Variants in MKLN1 observed in about 807,000 individuals in gnomAD.
MKLN1 encodes muskelin 1, also known as muskelin.
MKLN1 carries 18 observed loss-of-function variants against 99.0 expected under a neutral mutation model. That is an observed-to-expected ratio of 0.18 (90% CI 0.13 to 0.27). The LOEUF is 0.27. MKLN1 is among the 10% of genes least tolerant of loss of function. The pLI, the probability that MKLN1 is intolerant of heterozygous loss-of-function variation, is 1.00. For missense variants in MKLN1, 621 were observed against 875.9 expected (o/e 0.71, Z 3.67); for synonymous variants, 288 against 293.2 (o/e 0.98, Z 0.18).
intron 15 of MKLN1, among the ~76,000 whole-genome samples, chr7:131,468,678 T>C (rs944643909): frequency 4.6e-5 from 7 of 152,164 alleles, no homozygotes; most frequent in African/African-American, 7.2e-5. Context: ...AAAATTGTTA[T>C]AGGATTAATT....
Position 131,192,138 on chromosome 7 carries a change from T to TACGTATATATATAAAA in MKLN1, c.-296-10718_-296-10717insCGTATATATATAAAAA, listed in dbSNP as rs1416043116. On this transcript the variant is annotated intron_variant, in intron 2 of 7. Coordinates refer to the MKLN1 transcript ENST00000416992. Reference sequence around the variant, plus strand: ...ATATATACGTATATATATAAAAATATATATACGTATATATACATATATACT... The same window carrying TACGTATATATATAAAA: ...ATATATACGTATATATATAAAAATATACGTATATATATAAAAATATACGTATATATACATATATACT... Among the ~76,000 whole-genome samples the TACGTATATATATAAAA allele has an allele frequency of 6.1e-4, 49 of 80,280 alleles. 11 individuals carry two copies. Among genetic ancestry groups the TACGTATATATATAAAA allele is most frequent in the Non-Finnish European group, 9.3e-4 (42 of 45,126 alleles). The allele number at this position is 80,280 out of a possible 152,430, so 52.7% of individuals were successfully genotyped here.
intron 2 of MKLN1, among the ~76,000 whole-genome samples, chr7:131,171,460 C>T (rs1276164372): frequency 1.3e-5 from 2 of 150,974 alleles, no homozygotes; most frequent in Admixed American, 1.3e-4. Context: ...AAATATTTTT[C>T]TTTCTTTTTT....
rs1167201587 is a variant in MKLN1, at chr7:131,283,380, CCTTCCTTCCTTCCTTCCTTCCTCT to C, written c.-179+80409_-179+80432del. On this transcript the variant is annotated intron_variant, in intron 3 of 7. Transcript: ENST00000416992. Reference sequence around the variant, plus strand: ...TCCTTCCTTCCTTCCTTCCTTCCTTCCTTCCTTCCTTCCTTCCTTCCTCTCTCTCTCTTTACTGCTTTCTTTCTT... The same window carrying C: ...TCCTTCCTTCCTTCCTTCCTTCCTTCCTCTCTCTTTACTGCTTTCTTTCTT... 3.1e-3 allele frequency among the ~76,000 whole-genome samples: 344 copies of C among 109,454 alleles called. 3 individuals are homozygous for C. The highest frequency in any genetic ancestry group is 0.022 in the East Asian group (74 of 3,410). The allele number at this position is 109,454 out of a possible 152,430, so 71.8% of individuals were successfully genotyped here.
intron 2 of MKLN1, among the ~76,000 whole-genome samples, chr7:131,381,208 A>G (rs58815745): frequency 0.026 from 3,886 of 152,294 alleles, 182 homozygotes; most frequent in African/African-American, 0.089. Context: ...TAAAGGAGTT[A>G]TGATCTAACC....
At chr7:131,303,319 C>G (rs1798402681) in intron 3 of MKLN1, among the ~76,000 whole-genome samples, 1 of 152,234 alleles carries the variant, frequency 6.6e-6, no homozygotes. Flanking sequence ...TGGGAGAAGA[C>G]AGACCTTAGC....
chr7:131,216,446 A>AG (rs1796984094), intron 3 of MKLN1, among the ~76,000 whole-genome samples: 1 of 151,718 alleles, frequency 6.6e-6, no homozygotes, highest in Non-Finnish European at 1.5e-5. Flanking sequence ...AAGAAAAAAA[A>AG]GAAAGTTTAT....
chr7:131,256,054 T>C (rs998106602), intron 3 of MKLN1, among the ~76,000 whole-genome samples: 1 of 151,878 alleles, frequency 6.6e-6, no homozygotes, highest in Non-Finnish European at 1.5e-5. Context: ...TACAGACATG[T>C]ACCACCATAC....
intron 8 of MKLN1, among the ~76,000 whole-genome samples, chr7:131,418,096 C>T (rs1795076352): frequency 1.3e-5 from 2 of 151,980 alleles, no homozygotes; most frequent in South Asian, 4.2e-4. Flanking sequence ...TGGCCGGGCA[C>T]GGTGGCTCAC....
intron 12 of MKLN1, among the ~76,000 whole-genome samples, chr7:131,446,232 G>A (rs1363124969): frequency 6.6e-6 from 1 of 152,028 alleles, no homozygotes; most frequent in Non-Finnish European, 1.5e-5. Flanking sequence ...TTTCACTGTA[G>A]TGATCTTTAT....
intron 1 of MKLN1, among the ~76,000 whole-genome samples, chr7:131,338,597 C>T (rs75515229): frequency 0.021 from 3,124 of 151,912 alleles, 41 homozygotes; most frequent in Non-Finnish European, 0.032. Flanking sequence ...CAGACTATTC[C>T]GTCATATTCA....
chr7:131,425,726 A>C (rs1001951179), intron 8 of MKLN1, among the ~76,000 whole-genome samples: 2 of 152,346 alleles, frequency 1.3e-5, no homozygotes, highest in Middle Eastern at 3.4e-3. Flanking sequence ...CCAGATGTAC[A>C]TGAATTATTA....
Position 131,381,929 on chromosome 7 carries a change from T to A in MKLN1, c.169-5191T>A, listed in dbSNP as rs1016728844. Among the ~76,000 whole-genome samples the A allele has an allele frequency of 4.6e-5, 7 of 152,338 alleles. No homozygotes were observed. In the South Asian group the frequency reaches 6.2e-4, roughly 14 times the overall value. On this transcript the variant is annotated intron_variant, in intron 2 of 17. Transcript: ENST00000352689. Reference sequence around the variant, plus strand: ...AACATACTGGCAAGCGCAAGTGTCATTATTCAGGTAATAATAGTAGGATCT... The same window carrying A: ...AACATACTGGCAAGCGCAAGTGTCAATATTCAGGTAATAATAGTAGGATCT...
At chr7:131,212,752 C>T (rs1239401992) in intron 3 of MKLN1, among the ~76,000 whole-genome samples, 1 of 151,934 alleles carries the variant, frequency 6.6e-6, no homozygotes, top group South Asian at 2.1e-4. Flanking sequence ...GGAGAAACCC[C>T]ATCTCTACTA....
chr7:131,375,620 TTCTC>T (rs57112563), intron 2 of MKLN1, 127 bp downstream of exon 2: 77 of 589,758 alleles, frequency 1.3e-4, no homozygotes, highest in Middle Eastern at 1.0e-3. Flanking sequence ...TAAATTTTTA[TTCTC>T]TCTATTTTTG....
chr7:131,172,750 G>A (rs542805698), intron 2 of MKLN1, among the ~76,000 whole-genome samples: 8 of 152,342 alleles, frequency 5.3e-5, no homozygotes, highest in African/African-American at 1.4e-4. Context: ...AGGTTCTGAT[G>A]TATACAAACC....
At chr7:131,471,035 A>G in intron 16 of MKLN1, 91 bp downstream of exon 16, 1 of 813,736 alleles carries the variant, frequency 1.2e-6, no homozygotes, top group Non-Finnish European at 1.9e-6. Flanking sequence ...GAGTGTGTAA[A>G]GGAAAACGAA....
intron 1 of MKLN1, among the ~76,000 whole-genome samples, chr7:131,342,799 A>G (rs894795786): frequency 1.3e-5 from 2 of 152,232 alleles, no homozygotes; most frequent in African/African-American, 4.8e-5. Context: ...TCTACAACCT[A>G]AAATGCTATG....
At chr7:131,162,681 C>T in intron 2 of MKLN1, among the ~76,000 whole-genome samples, 1 of 152,114 alleles carries the variant, frequency 6.6e-6, no homozygotes, top group East Asian at 1.9e-4. Context: ...ATTCCAAAAT[C>T]TGAAATCCGA....
intron 2 of MKLN1, among the ~76,000 whole-genome samples, chr7:131,145,303 T>TG (rs982897565): frequency 5.5e-4 from 83 of 152,196 alleles, no homozygotes; most frequent in African/African-American, 2.0e-3. Context: ...AGGTACTGAG[T>TG]GGGGGCGAGG....
Sources: gnomAD v4.1 joint callset for allele counts (sites outside exome capture counted in the v4.1 genomes callset) on GRCh38, gnomAD v4.1.1 for gene constraint, MANE v1.5 for transcripts, NCBI Gene and HGNC (gene_info 2026-07-23, HGNC 2026-07-21) for gene names.